The following IL18R1 variants were observed in gnomAD, a reference collection of about 807,000 sequenced individuals.
IL18R1 encodes interleukin-18 receptor 1.
In IL18R1, 40 loss-of-function variants were observed where a neutral mutation model predicts 48.5. The observed-to-expected ratio is 0.82, with a 90% CI of 0.64 to 1.07. The LOEUF (loss-of-function observed/expected upper bound fraction) is 1.07, where lower values mean the gene tolerates loss of function less well. IL18R1 is among the 50% of genes least tolerant of loss of function. The pLI is 0.00. For missense variants in IL18R1, 596 were observed against 633.7 expected, an observed-to-expected ratio of 0.94 and a Z score of 0.64; for synonymous variants, 232 against 225.9, an observed-to-expected ratio of 1.03 and a Z score of -0.24.
intron 9 of IL18R1, among the ~76,000 whole-genome samples, chr2:102,393,682 C>T (rs1262938127): frequency 6.6e-6 from 1 of 152,208 alleles, no homozygotes; most frequent in East Asian, 1.9e-4. Flanking sequence ...TCTTACCCAT[C>T]TGCCATCATC....
At position 102,394,535 on chromosome 2, in the gene IL18R1, A is replaced by C; in HGVS notation, c.1178A>C (p.His393Pro). 1.2e-6 allele frequency: 2 copies of C among 1,613,350 alleles called. No individual in the cohort carries two copies. Among genetic ancestry groups the C allele is most frequent in the Non-Finnish European group, 1.7e-6 (2 of 1,179,418 alleles). ...TGCCGACCTGAAAATGGAGAGGAGC[A>C]CACCTTTGCTGTGGAGATTTTGCCC... ...KECRPENGEE[H>P]TFAVEILPRV... The change falls in exon 10 of 11, where the codon CAC (histidine) becomes CCC (proline). Residue 393 changes from histidine to proline, a missense_variant. His to Pro is a moderately conservative substitution (Grantham distance 77). Around this residue, in one of 3 missense-constraint regions of IL18R1, gnomAD observed 179 missense variants for 206.1 expected, o/e 0.87. Coordinates refer to ENST00000233957, the MANE Select transcript of IL18R1 (RefSeq NM_003855.5).
chr2:102,370,357 C>T (rs1485116291), intron 3 of IL18R1, among the ~76,000 whole-genome samples: 1 of 152,192 alleles, frequency 6.6e-6, no homozygotes, highest in Non-Finnish European at 1.5e-5. Context: ...AGCAACAAGT[C>T]ATAGAGATCC....
chr2:102,375,051 A>G (rs1008498135), intron 4 of IL18R1, among the ~76,000 whole-genome samples: 8 of 152,190 alleles, frequency 5.3e-5, no homozygotes, highest in African/African-American at 1.9e-4. Flanking sequence ...TGAGGTACAC[A>G]TGTGGGTGCT....
intron 4 of IL18R1, among the ~76,000 whole-genome samples, chr2:102,372,361 T>C (rs1221563744): frequency 2.0e-5 from 3 of 152,214 alleles, no homozygotes; most frequent in Non-Finnish European, 4.4e-5. Context: ...CACAGTTTCT[T>C]CTCCCACACT....
At chr2:102,368,867 CTTT>C (rs1054993571) in intron 3 of IL18R1, among the ~76,000 whole-genome samples, 1 of 150,146 alleles carries the variant, frequency 6.7e-6, no homozygotes, top group Non-Finnish European at 1.5e-5. Context: ...TAGCAGATTT[CTTT>C]TAGAAGCACT....
chr2:102,363,693 G>A (rs558223456), intron 2 of IL18R1, among the ~76,000 whole-genome samples: 1 of 152,256 alleles, frequency 6.6e-6, no homozygotes, highest in Admixed American at 6.5e-5. Context: ...GTGCAAAGTT[G>A]CCAAGCTCCC....
intron 3 of IL18R1, among the ~76,000 whole-genome samples, chr2:102,370,555 G>A (rs1194428318): frequency 2.6e-5 from 4 of 152,168 alleles, no homozygotes; most frequent in East Asian, 3.8e-4. Context: ...CTCCAGTCAC[G>A]GCCAATCTTT....
intron 1 of IL18R1, among the ~76,000 whole-genome samples, chr2:102,361,987 G>A (rs771486169): frequency 2.0e-5 from 3 of 152,178 alleles, no homozygotes; most frequent in Non-Finnish European, 2.9e-5. Context: ...CATATGGGCA[G>A]CCACAGACAC....
chr2:102,373,378 C>T (rs1404522459), intron 4 of IL18R1, among the ~76,000 whole-genome samples: 1 of 151,632 alleles, frequency 6.6e-6, no homozygotes, highest in Non-Finnish European at 1.5e-5. Context: ...CCAAACACTG[C>T]ATGTTCTCAC....
At chr2:102,362,760 T>C (rs1168219381) in intron 2 of IL18R1, 42 bp downstream of exon 2, 7 of 1,295,636 alleles carry the variant, frequency 5.4e-6, no homozygotes, top group Non-Finnish European at 7.6e-6. Flanking sequence ...TCATGAGTAA[T>C]TGAGGAAGAA....
intron 2 of IL18R1, chr2:102,362,999 T>G (rs757881079): frequency 1.8e-4 from 44 of 242,370 alleles, no homozygotes; most frequent in Non-Finnish European, 3.3e-4. Flanking sequence ...CACTTTCTCC[T>G]TCCTGAGAGG....
chr2:102,358,794 T>C (rs971952396), intron 1 of IL18R1, among the ~76,000 whole-genome samples: 2 of 152,176 alleles, frequency 1.3e-5, no homozygotes, highest in African/African-American at 4.8e-5. Flanking sequence ...TTCCAAGATA[T>C]CATGCGTTAA....
intron 9 of IL18R1, among the ~76,000 whole-genome samples, chr2:102,391,886 A>G (rs1680582491): frequency 6.6e-6 from 1 of 151,960 alleles, no homozygotes; most frequent in Non-Finnish European, 1.5e-5. Context: ...TCTTTTGCCT[A>G]TTGTTCCATG....
rs531361076 is a variant in IL18R1, at chr2:102,387,040, C to T, written c.949+40C>T. The T allele has an allele frequency of 1.9e-5, 30 of 1,595,518 alleles. No homozygotes were observed. The South Asian group carries it at 2.9e-4, about 16-fold the overall frequency. On this transcript the variant is annotated intron_variant, in intron 8 of 10. Transcript: ENST00000233957. The stretch of plus-strand genomic sequence containing the variant: ...TTTTTGGAAGTTTTGAAACTTAGCT[C>T]ATTGCTACTGAGAGACATTTCAAAG...
chr2:102,373,974 T>C (rs1216431134), intron 4 of IL18R1: 3 of 447,400 alleles, frequency 6.7e-6, no homozygotes, highest in South Asian at 1.6e-5. Flanking sequence ...AGCTCAGGGC[T>C]CCACTGATTC....
At chr2:102,396,435 G>C (rs1042226575) in intron 10 of IL18R1, 96 bp from the exon 11 acceptor site, 1 of 668,530 alleles carries the variant, frequency 1.5e-6, no homozygotes, top group Non-Finnish European at 2.6e-6. Flanking sequence ...AGTGAGGTTA[G>C]GAGTTAATAT....
At chr2:102,385,292 G>A (rs1680164690) in intron 7 of IL18R1, among the ~76,000 whole-genome samples, 1 of 152,004 alleles carries the variant, frequency 6.6e-6, no homozygotes, top group South Asian at 2.1e-4. Flanking sequence ...ATGGGGATGG[G>A]GATTTTACTT....
chr2:102,357,004 G>T lies in IL18R1; in HGVS notation c.-29+604G>T, dbSNP rs375584707. Among the ~76,000 whole-genome samples the T allele has an allele frequency of 5.9e-5, 9 of 152,282 alleles. 1 individual carries two copies. The East Asian group carries it at 1.2e-3, about 20-fold the overall frequency. On this transcript the variant is annotated intron_variant, in intron 1 of 10. Transcript: ENST00000233957. Reference sequence around the variant, plus strand: ...TGTATTCATTTCACTGACTTCCCTTGCTTCATTCTCAAGACCCTTTGCAAA... The same window carrying T: ...TGTATTCATTTCACTGACTTCCCTTTCTTCATTCTCAAGACCCTTTGCAAA...
chr2:102,374,633 C>T (rs1454690930), intron 4 of IL18R1, among the ~76,000 whole-genome samples: 2 of 152,052 alleles, frequency 1.3e-5, no homozygotes, highest in Admixed American at 1.3e-4. Flanking sequence ...AAAAAATTAG[C>T]TGGGTGTGGT....
Sources: gnomAD v4.1 joint callset for allele counts (sites outside exome capture counted in the v4.1 genomes callset) on GRCh38, gnomAD v4.1.1 for gene constraint, gnomAD v4.1.1 regional missense constraint, MANE v1.5 for transcripts, NCBI Gene and HGNC (gene_info 2026-07-23, HGNC 2026-07-21) for gene names.